SKIC3: variants seen among roughly 807,000 people sequenced by gnomAD.
SKIC3 encodes SKI3 subunit of superkiller complex.
chr5:95,540,878 G>C, the SKIC3 span: 2 of 1,593,616 alleles, frequency 1.3e-6, no homozygotes, highest in Non-Finnish European at 1.7e-6. Flanking sequence ...ATGTAAAAAT[G>C]CCAATAAAAA....
chr5:95,515,812 T>C, the SKIC3 span, among the ~76,000 whole-genome samples: 10 of 152,148 alleles, frequency 6.6e-5, no homozygotes, highest in Non-Finnish European at 2.9e-5. Flanking sequence ...TATAGATTTA[T>C]GGAAACTTTC....
At chr5:95,514,846 AT>A in the SKIC3 span, 1 of 1,611,168 alleles carries the variant, frequency 6.2e-7, no homozygotes, top group Non-Finnish European at 8.5e-7. Flanking sequence ...TATATGTTAT[AT>A]TTCTTACTTG....
At chr5:95,551,998 A>AC in the SKIC3 span, among the ~76,000 whole-genome samples, 1 of 152,124 alleles carries the variant, frequency 6.6e-6, no homozygotes, top group Non-Finnish European at 1.5e-5. Flanking sequence ...CAAATCCCCA[A>AC]CCGTCCTGCA....
chr5:95,544,702 C>A, the SKIC3 span, among the ~76,000 whole-genome samples: 1 of 152,160 alleles, frequency 6.6e-6, no homozygotes, highest in Admixed American at 6.6e-5. Context: ...GAACAAAATG[C>A]CATACTCAAC....
the SKIC3 span, among the ~76,000 whole-genome samples, chr5:95,478,921 A>C: frequency 6.6e-6 from 1 of 152,162 alleles, no homozygotes; most frequent in Non-Finnish European, 1.5e-5. Context: ...TTAGTAATGA[A>C]ATAGTCAATG....
chr5:95,487,716 T>C, the SKIC3 span, among the ~76,000 whole-genome samples: 1 of 152,034 alleles, frequency 6.6e-6, no homozygotes, highest in African/African-American at 2.4e-5. Context: ...AATTCCAAAA[T>C]TGGAAGTGAC....
the SKIC3 span, among the ~76,000 whole-genome samples, chr5:95,532,319 T>A: frequency 6.6e-6 from 1 of 152,106 alleles, no homozygotes; most frequent in Admixed American, 6.5e-5. Context: ...TCCTAACATA[T>A]TTCCTTTGCT....
the SKIC3 span, among the ~76,000 whole-genome samples, chr5:95,511,929 A>G: frequency 6.6e-6 from 1 of 152,378 alleles, no homozygotes; most frequent in East Asian, 1.9e-4. Context: ...ACAGATGGTT[A>G]ATAAAATTTC....
At chr5:95,468,109 G>T in the SKIC3 span, 1 of 1,285,684 alleles carries the variant, frequency 7.8e-7, no homozygotes, top group Non-Finnish European at 1.1e-6. Context: ...GTCTGATTAT[G>T]ATTTTTTAAT....
chr5:95,534,095 G>C, the SKIC3 span, among the ~76,000 whole-genome samples: 2 of 151,500 alleles, frequency 1.3e-5, no homozygotes, highest in Non-Finnish European at 2.9e-5. Flanking sequence ...TAGGGAAAAA[G>C]AATTGGTACC....
chr5:95,489,263 A>G, the SKIC3 span, among the ~76,000 whole-genome samples: 1 of 151,938 alleles, frequency 6.6e-6, no homozygotes, highest in Admixed American at 6.6e-5. Context: ...ACACAGCAAG[A>G]CCTCATCTCT....
At chr5:95,504,782 C>T in the SKIC3 span, among the ~76,000 whole-genome samples, 5 of 152,052 alleles carry the variant, frequency 3.3e-5, no homozygotes, top group African/African-American at 9.7e-5. Flanking sequence ...AGGGGCATCA[C>T]TTGAGGTCAG....
At chr5:95,494,927 T>A in the SKIC3 span, 6 of 1,607,726 alleles carry the variant, frequency 3.7e-6, no homozygotes, top group Non-Finnish European at 5.1e-6. Context: ...TATTATTTAA[T>A]AAATTCAACA....
At chr5:95,540,734 G>A in the SKIC3 span, 7 of 1,614,072 alleles carry the variant, frequency 4.3e-6, no homozygotes, top group East Asian at 1.1e-4. Context: ...CTTTCAGCCA[G>A]GAACTGAGTC....
the SKIC3 span, among the ~76,000 whole-genome samples, chr5:95,497,705 A>G: frequency 6.6e-6 from 1 of 152,218 alleles, no homozygotes; most frequent in Non-Finnish European, 1.5e-5. Flanking sequence ...AAAATCAACA[A>G]TGGATGATTA....
chr5:95,502,819 A>G, the SKIC3 span: 1 of 1,602,560 alleles, frequency 6.2e-7, no homozygotes, highest in African/African-American at 1.3e-5. Context: ...GCTTTCTCCA[A>G]TTCTCAACCC....
At chr5:95,474,765 T>C in the SKIC3 span, among the ~76,000 whole-genome samples, 1 of 152,246 alleles carries the variant, frequency 6.6e-6, no homozygotes, top group African/African-American at 2.4e-5. Flanking sequence ...TTGGTCTCTT[T>C]ACATAATCCC....
chr5:95,500,732 TG>T, the SKIC3 span, among the ~76,000 whole-genome samples: 1 of 152,156 alleles, frequency 6.6e-6, no homozygotes, highest in Non-Finnish European at 1.5e-5. Flanking sequence ...TAGATGGCAA[TG>T]TAGGAAAGAT....
chr5:95,517,352 A>G, the SKIC3 span: 4 of 1,600,518 alleles, frequency 2.5e-6, no homozygotes, highest in Non-Finnish European at 3.4e-6. Flanking sequence ...GATTCTTACA[A>G]ATTATTTATA....
Sources: gnomAD v4.1 joint callset for allele counts (sites outside exome capture counted in the v4.1 genomes callset) on GRCh38, gnomAD v4.1.1 for gene constraint, MANE v1.5 for transcripts, NCBI Gene and HGNC (gene_info 2026-07-23, HGNC 2026-07-21) for gene names.